LGR5: variants seen among roughly 807,000 people sequenced by gnomAD.
LGR5 encodes the protein leucine-rich repeat-containing G protein-coupled receptor 5.
In LGR5, 54 loss-of-function variants were observed where a neutral mutation model predicts 76.7. The observed-to-expected ratio is 0.70, with a 90% confidence interval of 0.57 to 0.88. The LOEUF is 0.88. LGR5 is among the 40% of genes least tolerant of loss of function. The pLI is 0.00. For missense variants in LGR5, 1,078 were observed against 1,073.3 expected (o/e 1.00, Z -0.06); for synonymous variants, 406 against 421.9 (o/e 0.96, Z 0.46).
chr12:71,463,698 A>T (rs1161356530), intron 1 of LGR5, among the ~76,000 whole-genome samples: 1 of 152,146 alleles, frequency 6.6e-6, no homozygotes, highest in Non-Finnish European at 1.5e-5. Flanking sequence ...AAATATTAAC[A>T]CAAGGTAATT....
intron 1 of LGR5, among the ~76,000 whole-genome samples, chr12:71,445,993 G>A (rs1293265725): frequency 6.6e-6 from 1 of 152,148 alleles, no homozygotes; most frequent in Admixed American, 6.5e-5. Context: ...TTCATGGTGG[G>A]CTCTTTCCTT....
In LGR5 at chr12:71,584,252, T is replaced by A. The variant is rs941559540; in HGVS notation, c.2242T>A (p.Tyr748Asn). The A allele has an allele frequency of 1.2e-6, 2 of 1,614,004 alleles. No homozygotes were observed. Among genetic ancestry groups the A allele is most frequent in the African/African-American group, 2.7e-5 (2 of 74,930 alleles). ...LMMTIAYTKLYCNLDKGDLEN... is the reference protein window; with the variant it reads ...LMMTIAYTKLNCNLDKGDLEN... ...GATGACCATTGCCTACACCAAGCTC[T>A]ACTGCAATTTGGACAAGGGAGACCT... is the stretch of plus-strand genomic sequence containing the variant. Residue 748 changes from tyrosine to asparagine, a missense_variant, in exon 18 of 18, where the codon TAC becomes AAC. Coordinates refer to ENST00000266674, the MANE Select transcript of LGR5 (RefSeq NM_003667.4).
chr12:71,546,990 T>C (rs889064388), intron 4 of LGR5, among the ~76,000 whole-genome samples: 4 of 152,106 alleles, frequency 2.6e-5, no homozygotes, highest in African/African-American at 9.7e-5. Flanking sequence ...GACAGTCCCC[T>C]TGGCCAAGCA....
intron 4 of LGR5, among the ~76,000 whole-genome samples, chr12:71,550,939 T>G (rs143654344): frequency 1.8e-4 from 27 of 152,362 alleles, no homozygotes; most frequent in South Asian, 4.1e-4. Flanking sequence ...TATCTCCTGA[T>G]GAAATTATAC....
At chr12:71,523,545 T>C (rs988409409) in intron 2 of LGR5, among the ~76,000 whole-genome samples, 9 of 152,184 alleles carry the variant, frequency 5.9e-5, no homozygotes, top group African/African-American at 2.2e-4. Flanking sequence ...CTCACCAGTC[T>C]CAGATATGAT....
At chr12:71,478,581 A>G (rs1359576516) in intron 1 of LGR5, among the ~76,000 whole-genome samples, 1 of 152,208 alleles carries the variant, frequency 6.6e-6, no homozygotes, top group African/African-American at 2.4e-5. Flanking sequence ...AAGTAAAGAC[A>G]AACTTTAGCT....
At chr12:71,507,407 T>C (rs1270755427) in intron 2 of LGR5, among the ~76,000 whole-genome samples, 1 of 152,150 alleles carries the variant, frequency 6.6e-6, no homozygotes, top group Non-Finnish European at 1.5e-5. Flanking sequence ...AGTTGTGTAA[T>C]GATCAGTGTG....
chr12:71,442,709 G>T (rs1181603488), intron 1 of LGR5, among the ~76,000 whole-genome samples: 1 of 152,180 alleles, frequency 6.6e-6, no homozygotes, highest in East Asian at 1.9e-4. Context: ...GGGTTTGGGG[G>T]CTTTGTTGGT....
chr12:71,561,955 G>A, intron 8 of LGR5, 103 bp downstream of exon 8: 1 of 705,814 alleles, frequency 1.4e-6, no homozygotes, highest in Non-Finnish European at 2.3e-6. Context: ...TTTTGTCTTA[G>A]TCAATCTAAG....
chr12:71,497,127 A>G (rs1389401680), intron 1 of LGR5, among the ~76,000 whole-genome samples: 1 of 152,040 alleles, frequency 6.6e-6, no homozygotes, highest in African/African-American at 2.4e-5. Context: ...CAGCCTGGGC[A>G]ACATAGTGAG....
rs80143167 is a variant in LGR5, at chr12:71,445,738, A to G, written c.212+5446A>G. Among the ~76,000 whole-genome samples, 1,370 of 152,324 alleles carry G rather than the reference A, an allele frequency of 9.0e-3. 14 individuals carry two copies. The highest frequency in any genetic ancestry group is 0.027 in the African/African-American group (1,125 of 41,568). Reference sequence around the variant, plus strand: ...AACGTTAGTCATTTGATTTCAAGAAATGGAATAATGTATCTAGTGGTAATG... The same window carrying G: ...AACGTTAGTCATTTGATTTCAAGAAGTGGAATAATGTATCTAGTGGTAATG... On this transcript the variant is annotated intron_variant, in intron 1 of 17. Coordinates refer to ENST00000266674, the MANE Select transcript of LGR5 (RefSeq NM_003667.4).
chr12:71,482,543 G>C (rs1044201616), intron 1 of LGR5, among the ~76,000 whole-genome samples: 9 of 151,688 alleles, frequency 5.9e-5, no homozygotes, highest in African/African-American at 1.9e-4. Flanking sequence ...AAAAAAAAAA[G>C]TCACATTCTG....
chr12:71,580,935 T>C (rs764694804), intron 16 of LGR5, among the ~76,000 whole-genome samples: 1 of 152,240 alleles, frequency 6.6e-6, no homozygotes, highest in Non-Finnish European at 1.5e-5. Flanking sequence ...TCAGGATTTA[T>C]CCTAAAATTT....
In LGR5 at chr12:71,572,937, CA is replaced by C. The variant is rs1225120622; in HGVS notation, c.1208+17del. 3.1e-6 allele frequency: 5 copies of C among 1,595,286 alleles called. No individual in the cohort carries two copies. The highest frequency in any genetic ancestry group is 1.7e-5 in the Admixed American group (1 of 59,992). On this transcript the variant is annotated intron_variant, in intron 13 of 17. Transcript: ENST00000266674. Reference sequence around the variant, plus strand: ...TCCGATCGCTGTGAGTATCACCTCCCAGTGCGTTCCCCAGCACAGAGCATTT... The same window carrying C: ...TCCGATCGCTGTGAGTATCACCTCCCGTGCGTTCCCCAGCACAGAGCATTT...
intron 1 of LGR5, among the ~76,000 whole-genome samples, chr12:71,485,776 T>A (rs1170177193): frequency 6.6e-6 from 1 of 151,764 alleles, no homozygotes; most frequent in African/African-American, 2.4e-5. Context: ...ATCTTTTTTT[T>A]TTTTTTTTGA....
intron 2 of LGR5, among the ~76,000 whole-genome samples, chr12:71,515,415 A>G (rs1219885379): frequency 3.3e-5 from 5 of 152,242 alleles, no homozygotes; most frequent in Non-Finnish European, 7.3e-5. Flanking sequence ...ATATTTTGAT[A>G]CTTTATAAAA....
chr12:71,575,160 A>C (rs1878792627), intron 13 of LGR5, among the ~76,000 whole-genome samples: 1 of 152,198 alleles, frequency 6.6e-6, no homozygotes, highest in Non-Finnish European at 1.5e-5. Context: ...TAATGAAGGT[A>C]ATGATAATAC....
chr12:71,493,943 ATTT>A (rs547681278), intron 1 of LGR5, among the ~76,000 whole-genome samples: 3,180 of 116,536 alleles, frequency 0.027, 60 homozygotes, highest in Non-Finnish European at 0.036. Flanking sequence ...TAATTTTTTG[ATTT>A]TTTTTTTTTT....
At chr12:71,439,761 G>C (rs548370169), upstream of LGR5, 256 of 320,716 alleles carry the variant, frequency 8.0e-4, no homozygotes, top group African/African-American at 5.3e-3. Context: ...ATTCGGGCTG[G>C]AGCGCTTTAA....
Sources: gnomAD v4.1 joint callset for allele counts (sites outside exome capture counted in the v4.1 genomes callset) on GRCh38, gnomAD v4.1.1 for gene constraint, MANE v1.5 for transcripts, NCBI Gene and HGNC (gene_info 2026-07-23, HGNC 2026-07-21) for gene names.